FGF1: variants seen among roughly 807,000 people sequenced by gnomAD.
The protein encoded by FGF1 is fibroblast growth factor 1.
A neutral mutation model predicts 13.4 loss-of-function variants in FGF1; 9 were observed. The ratio of observed to expected loss-of-function variants is 0.67; its 90% CI spans 0.40 to 1.17. The LOEUF is 1.17. Among genes scored for constraint, FGF1 ranks in the 50% most tolerant of loss-of-function variants. The pLI, the probability that FGF1 is intolerant of heterozygous loss-of-function variation, is 0.01. For missense variants in FGF1, 156 were observed against 192.7 expected, an observed-to-expected ratio of 0.81 and a Z score of 1.13; for synonymous variants, 93 against 79.0, an observed-to-expected ratio of 1.18 and a Z score of -0.94.
chr5:142,683,044 C>T (rs1296115444), intron 1 of FGF1, among the ~76,000 whole-genome samples: 1 of 152,192 alleles, frequency 6.6e-6, no homozygotes, highest in East Asian at 1.9e-4. Context: ...GGTACTTGAA[C>T]ATTTGTTGAT....
At chr5:142,691,030 C>G (rs1752123987), upstream of FGF1, among the ~76,000 whole-genome samples, 1 of 152,200 alleles carries the variant, frequency 6.6e-6, no homozygotes, top group Non-Finnish European at 1.5e-5. Context: ...GCCTGACCAC[C>G]CGTTCTAAAT....
chr5:142,639,582 AT>A (rs1561635564), intron 1 of FGF1, among the ~76,000 whole-genome samples: 1 of 151,972 alleles, frequency 6.6e-6, no homozygotes, highest in Admixed American at 6.5e-5. Context: ...GTGACTGGAA[AT>A]GAGATGTTGG....
chr5:142,612,810 G>A (rs1046306020), intron 2 of FGF1, among the ~76,000 whole-genome samples: 3 of 152,132 alleles, frequency 2.0e-5, no homozygotes, highest in Non-Finnish European at 2.9e-5. Context: ...ACGTCACCTC[G>A]TGTAAACGCC....
intron 1 of FGF1, among the ~76,000 whole-genome samples, chr5:142,630,042 C>T (rs1022454210): frequency 2.0e-5 from 3 of 151,704 alleles, no homozygotes; most frequent in East Asian, 1.9e-4. Flanking sequence ...TACAGGCGTC[C>T]GCCACCACTC....
At chr5:142,678,671 G>A (rs908898329) in intron 1 of FGF1, among the ~76,000 whole-genome samples, 3 of 152,168 alleles carry the variant, frequency 2.0e-5, no homozygotes, top group Non-Finnish European at 2.9e-5. Flanking sequence ...ATCACCTTCT[G>A]AATGCACGCC....
chr5:142,666,046 AC>A (rs1228619452), intron 1 of FGF1, among the ~76,000 whole-genome samples: 4 of 152,070 alleles, frequency 2.6e-5, no homozygotes, highest in Non-Finnish European at 5.9e-5. Flanking sequence ...GAAAACCCAG[AC>A]TTTTGCCTGC....
intron 1 of FGF1, among the ~76,000 whole-genome samples, chr5:142,657,032 C>T (rs1768295332): frequency 6.6e-6 from 1 of 152,172 alleles, no homozygotes; most frequent in South Asian, 2.1e-4. Flanking sequence ...ATTCTCCTGC[C>T]TCAGCCTCCT....
At position 142,646,208 on chromosome 5, in the gene FGF1, C is replaced by CTTTTTT. The variant is rs762008952; in HGVS notation, c.-34-32053_-34-32048dup. Among the ~76,000 whole-genome samples, 220 of 54,944 alleles carry CTTTTTT rather than the reference C, an allele frequency of 4.0e-3. 21 individuals are homozygous for CTTTTTT. The highest frequency in any genetic ancestry group is 7.8e-3 in the African/African-American group (108 of 13,898). 36.0% of individuals were successfully genotyped at this position (54,944 alleles called of 152,430 possible). A position where few individuals can be genotyped will look rare whatever the true frequency, so the allele number is the denominator to read the frequency against. On this transcript the variant is annotated intron_variant, in intron 1 of 3. Coordinates refer to ENST00000337706, the MANE Select transcript of FGF1 (RefSeq NM_000800.5). ...ACAGGCGTGAGCCACCGCACCTGGC[C>CTTTTTT]TTTTTTTTTTTTTTTTTTTTTTTTT...
chr5:142,640,191 G>A (rs557776930), intron 1 of FGF1, among the ~76,000 whole-genome samples: 3 of 152,070 alleles, frequency 2.0e-5, no homozygotes, highest in South Asian at 4.1e-4. Flanking sequence ...TCATTAATTC[G>A]TTCAACAAAT....
intron 1 of FGF1, among the ~76,000 whole-genome samples, chr5:142,672,766 A>G (rs1177984256): frequency 2.0e-5 from 3 of 152,114 alleles, no homozygotes; most frequent in East Asian, 1.9e-4. Flanking sequence ...CGGCCTCCCA[A>G]TGTGCTGGGA....
chr5:142,659,577 G>A lies in FGF1; in HGVS notation c.-35+26380C>T, dbSNP rs149364276. Among the ~76,000 whole-genome samples, 556 of 152,256 alleles carry A rather than the reference G, an allele frequency of 3.7e-3. 4 individuals carry two copies. Among genetic ancestry groups the A allele is most frequent in the African/African-American group, 0.013 (522 of 41,556 alleles). On this transcript the variant is annotated intron_variant, in intron 1 of 3. Transcript: ENST00000337706. Reference sequence around the variant, plus strand: ...CAGAATGATGAAAGGCAGTGTCAGCGGTGGTTAAGTGCCCAGCACAGGCAG... The same window carrying A: ...CAGAATGATGAAAGGCAGTGTCAGCAGTGGTTAAGTGCCCAGCACAGGCAG...
chr5:142,599,405 G>T (rs1755981320), intron 3 of FGF1, among the ~76,000 whole-genome samples: 1 of 152,200 alleles, frequency 6.6e-6, no homozygotes. Context: ...TGGCTGAGAT[G>T]ACAACTTCAA....
chr5:142,649,244 G>T (rs1205689468), intron 1 of FGF1, among the ~76,000 whole-genome samples: 1 of 152,138 alleles, frequency 6.6e-6, no homozygotes, highest in Non-Finnish European at 1.5e-5. Flanking sequence ...CACATCAACA[G>T]CTTGCTCCAG....
At chr5:142,650,285 G>C (rs1346346304) in intron 1 of FGF1, among the ~76,000 whole-genome samples, 2 of 152,224 alleles carry the variant, frequency 1.3e-5, no homozygotes, top group Non-Finnish European at 2.9e-5. Context: ...TTAAAGAAGA[G>C]AGAGGGAATC....
intron 1 of FGF1, among the ~76,000 whole-genome samples, chr5:142,667,585 CAAAAAAAA>C (rs747487970): frequency 1.6e-5 from 1 of 62,086 alleles, no homozygotes; most frequent in Non-Finnish European, 3.6e-5. Context: ...GACTCCGTCT[CAAAAAAAA>C]AAAAAAAAAA....
chr5:142,614,937 T>G (rs1229229579), intron 1 of FGF1, among the ~76,000 whole-genome samples: 1 of 152,212 alleles, frequency 6.6e-6, no homozygotes, highest in Non-Finnish European at 1.5e-5. Flanking sequence ...GCACGCAGGC[T>G]GTTTTCATCC....
rs12654618 is a variant in FGF1, at chr5:142,615,591, T to C, written c.-34-1430A>G. On this transcript the variant is annotated intron_variant, in intron 1 of 3. Transcript: ENST00000337706. Reference sequence around the variant, plus strand: ...ATACATATTGATTATCAAGTGGTCTTAGAATAAAAATCATCACCCTCATCA... The same window carrying C: ...ATACATATTGATTATCAAGTGGTCTCAGAATAAAAATCATCACCCTCATCA... 2.7e-3 allele frequency among the ~76,000 whole-genome samples: 414 copies of C among 152,328 alleles called. 24 individuals are homozygous for C. The East Asian group carries it at 0.07, about 26-fold the overall frequency.
At chr5:142,652,848 GCTCA>G (rs1156307992) in intron 1 of FGF1, among the ~76,000 whole-genome samples, 3 of 152,230 alleles carry the variant, frequency 2.0e-5, no homozygotes, top group Non-Finnish European at 2.9e-5. Flanking sequence ...GGGCACATCT[GCTCA>G]CTCACTCCCT....
chr5:142,608,616 G>GAA (rs34214870), intron 2 of FGF1, among the ~76,000 whole-genome samples: 2 of 92,898 alleles, frequency 2.2e-5, no homozygotes, highest in African/African-American at 3.4e-5. Flanking sequence ...AAATATATAT[G>GAA]AAAAAAAAAA....
Sources: allele counts gnomAD v4.1 joint callset (sites outside exome capture counted in the v4.1 genomes callset), GRCh38; gene constraint gnomAD v4.1.1; transcripts MANE v1.5; gene names NCBI Gene and HGNC (gene_info 2026-07-23, HGNC 2026-07-21).